Variants in WWOX observed in about 807,000 individuals in gnomAD.
WWOX encodes the protein WW domain-containing oxidoreductase.
In WWOX, 69 loss-of-function variants were observed where a neutral mutation model predicts 46.2. The observed-to-expected ratio is 1.49, with a 90% CI of 1.23 to 1.82. WWOX has a LOEUF of 1.82. Ranked by LOEUF, WWOX falls within the 40% of genes most tolerant of loss-of-function variation. The pLI, the probability that WWOX is intolerant of heterozygous loss-of-function variation, is 0.00. For synonymous variants in WWOX, 359 were observed against 202.6 expected (o/e 1.77, Z -6.56); for missense variants, 919 against 542.6 (o/e 1.69, Z -6.89).
intron 8 of WWOX, among the ~76,000 whole-genome samples, chr16:78,451,494 G>A (rs956868071): frequency 5.9e-5 from 9 of 152,158 alleles, no homozygotes; most frequent in African/African-American, 2.2e-4. Flanking sequence ...AAGAACACAG[G>A]ATTTTGAAGT....
At chr16:78,367,964 T>A (rs2081578785) in intron 5 of WWOX, among the ~76,000 whole-genome samples, 1 of 151,694 alleles carries the variant, frequency 6.6e-6, no homozygotes. Context: ...ACCATGTTGG[T>A]CAGGCTGGTG....
chr16:78,669,000 T>C (rs1361061092), intron 8 of WWOX, among the ~76,000 whole-genome samples: 1 of 152,114 alleles, frequency 6.6e-6, no homozygotes, highest in Non-Finnish European at 1.5e-5. Context: ...AAAGAGTAGT[T>C]TTGAGGTTGA....
At chr16:78,972,634 C>T (rs747448095) in intron 8 of WWOX, among the ~76,000 whole-genome samples, 3 of 152,216 alleles carry the variant, frequency 2.0e-5, no homozygotes, top group African/African-American at 4.8e-5. Context: ...CGCTGCACAT[C>T]CCACCCTCTG....
intron 5 of WWOX, among the ~76,000 whole-genome samples, chr16:78,236,620 G>T (rs140767651): frequency 4.0e-4 from 61 of 152,310 alleles, no homozygotes; most frequent in African/African-American, 1.2e-3. Context: ...ATGTGTTAGT[G>T]CATATTCTTG....
At chr16:78,823,668 T>C (rs959091251) in intron 8 of WWOX, among the ~76,000 whole-genome samples, 2 of 152,196 alleles carry the variant, frequency 1.3e-5, no homozygotes, top group Admixed American at 1.3e-4. Flanking sequence ...CACGTATCTG[T>C]GCAAATGTGT....
intron 8 of WWOX, among the ~76,000 whole-genome samples, chr16:78,882,439 T>C (rs1438787450): frequency 6.6e-6 from 1 of 151,614 alleles, no homozygotes; most frequent in Non-Finnish European, 1.5e-5. Context: ...TAAGCTCCAC[T>C]ACAGCTGGAG....
At chr16:79,091,003 G>T (rs1344134007) in intron 8 of WWOX, among the ~76,000 whole-genome samples, 2 of 151,986 alleles carry the variant, frequency 1.3e-5, no homozygotes, top group African/African-American at 4.8e-5. Flanking sequence ...GGCCAGCCTG[G>T]TCTCAACCTC....
At chr16:79,164,183 C>A (rs1473101430) in intron 8 of WWOX, among the ~76,000 whole-genome samples, 1 of 152,202 alleles carries the variant, frequency 6.6e-6, no homozygotes, top group Admixed American at 6.5e-5. Flanking sequence ...TCAATACTTT[C>A]ATGTCTGTTT....
intron 8 of WWOX, among the ~76,000 whole-genome samples, chr16:78,468,352 C>A (rs1356136552): frequency 6.6e-6 from 1 of 151,366 alleles, no homozygotes; most frequent in Non-Finnish European, 1.5e-5. Flanking sequence ...GCTGGCTTCT[C>A]ATACCAGCTT....
At chr16:78,528,955 T>G (rs2043552256) in intron 8 of WWOX, among the ~76,000 whole-genome samples, 1 of 150,646 alleles carries the variant, frequency 6.6e-6, no homozygotes, top group Non-Finnish European at 1.5e-5. Flanking sequence ...TTTCTTTCTT[T>G]CTTTCTTTTT....
chr16:78,545,192 C>G (rs771015664), intron 8 of WWOX, among the ~76,000 whole-genome samples: 1 of 152,124 alleles, frequency 6.6e-6, no homozygotes, highest in Non-Finnish European at 1.5e-5. Context: ...ACCACTGTGG[C>G]CAGGGAGTGA....
chr16:79,122,719 AT>A (rs1195032116), intron 8 of WWOX, among the ~76,000 whole-genome samples: 1 of 152,116 alleles, frequency 6.6e-6, no homozygotes, highest in Non-Finnish European at 1.5e-5. Context: ...CTGAGGTAAA[AT>A]TTGTACAGCT....
chr16:78,490,332 A>T (rs1234031315), intron 8 of WWOX, among the ~76,000 whole-genome samples: 1 of 152,134 alleles, frequency 6.6e-6, no homozygotes, highest in Admixed American at 6.6e-5. Context: ...TTTCAGGTAC[A>T]ATCAGTCTAT....
chr16:78,714,841 A>G (rs151233895), intron 8 of WWOX, among the ~76,000 whole-genome samples: 3 of 152,204 alleles, frequency 2.0e-5, no homozygotes, highest in Non-Finnish European at 4.4e-5. Context: ...TGCAGTGAGG[A>G]ACCAGTGAGT....
At chr16:78,207,781 G>A (rs1289377004) in intron 5 of WWOX, among the ~76,000 whole-genome samples, 3 of 149,666 alleles carry the variant, frequency 2.0e-5, no homozygotes, top group Non-Finnish European at 4.4e-5. Flanking sequence ...AAAAAAAAAG[G>A]GTCTGTTATC....
At chr16:79,043,608 A>G (rs2048012256) in intron 8 of WWOX, among the ~76,000 whole-genome samples, 1 of 152,214 alleles carries the variant, frequency 6.6e-6, no homozygotes, top group Admixed American at 6.5e-5. Flanking sequence ...AATGTTTGCT[A>G]ATAACACACA....
intron 8 of WWOX, among the ~76,000 whole-genome samples, chr16:78,821,663 C>T (rs965113311): frequency 6.6e-6 from 1 of 152,122 alleles, no homozygotes; most frequent in African/African-American, 2.4e-5. Flanking sequence ...GGCATGTGGT[C>T]GTTCACAGGT....
At chr16:78,887,829 G>T (rs919173851) in intron 8 of WWOX, among the ~76,000 whole-genome samples, 10 of 152,130 alleles carry the variant, frequency 6.6e-5, no homozygotes, top group African/African-American at 2.2e-4. Context: ...TTAGGACTCT[G>T]TCTCTTTAAG....
intron 5 of WWOX, among the ~76,000 whole-genome samples, chr16:78,254,281 C>T (rs2038063914): frequency 6.6e-6 from 1 of 151,778 alleles, no homozygotes; most frequent in South Asian, 2.1e-4. Context: ...GGGCAGGTCT[C>T]ATTATGTTGC....
Sources: allele counts gnomAD v4.1 joint callset (sites outside exome capture counted in the v4.1 genomes callset), GRCh38; gene constraint gnomAD v4.1.1; transcripts MANE v1.5; gene names NCBI Gene and HGNC (gene_info 2026-07-23, HGNC 2026-07-21).